The following DST variants were observed in gnomAD, a reference collection of about 807,000 sequenced individuals.
DST encodes the protein dystonin.
In DST, 253 loss-of-function variants were observed where a neutral mutation model predicts 875.2. The observed-to-expected ratio is 0.29, with a 90% CI of 0.26 to 0.32. DST has a LOEUF of 0.32. Among genes scored for constraint, DST ranks in the 10% least tolerant of loss-of-function variants. The probability of loss-of-function intolerance (pLI) is 1.00; values close to 1 mark genes in which losing one functional copy is unlikely to be tolerated. For missense variants in DST, 8,287 were observed against 9,111.6 expected (o/e 0.91, Z 3.68); for synonymous variants, 3,124 against 3,197.1 (o/e 0.98, Z 0.77).
Position 56,553,071 on chromosome 6 carries a change from C to T in DST, c.15721G>A (p.Glu5241Lys). Residue 5241 changes from glutamate to lysine, a missense_variant, in exon 61 of 104, where the codon GAA (glutamate) becomes AAA (lysine). By Grantham distance (56) the Glu-to-Lys change is moderately conservative. This residue lies in a region of DST where 1,513 missense variants were observed against 1,677.8 expected (regional missense o/e 0.90). Coordinates refer to ENST00000680361, the MANE Select transcript of DST (RefSeq NM_001374736.1). ...SLLSVCEIDK[E>K]VVTDENKSLI... is the part of the protein sequence containing the mutation. The stretch of plus-strand genomic sequence containing the variant: ...GACTTATTCTCATCTGTAACAACTT[C>T]TTTATCTATCTCACAGACACTGAGC... The T allele has an allele frequency of 1.9e-6, 3 of 1,613,916 alleles. No homozygotes were observed. The highest frequency in any genetic ancestry group is 2.5e-6 in the Non-Finnish European group (3 of 1,179,880).
chr6:56,543,730 A>G (rs555817591), intron 61 of DST, among the ~76,000 whole-genome samples: 1 of 152,338 alleles, frequency 6.6e-6, no homozygotes, highest in South Asian at 2.1e-4. Context: ...CTAACTCCAA[A>G]TGAAGAAGGC....
rs759930255 is a variant in DST at position 56,485,324 on chromosome 6, G to T, written c.21195C>A (p.Ile7065=). The T allele has an allele frequency of 6.8e-6, 11 of 1,613,524 alleles. No homozygotes were observed. The highest frequency in any genetic ancestry group is 9.3e-6 in the Non-Finnish European group (11 of 1,179,772). ...HGDIDLVMNL[I]DNHKAFQKEL... ...CAGATAACAATACCTTGTGATTATC[G>T]ATCAGATTCATCACCAAATCAATGT... Residue 7065 remains isoleucine (I), a synonymous_variant, in exon 88 of 104, where the codon ATC becomes ATA. Transcript: ENST00000680361.
chr6:56,628,566 T>C (rs1225107988), intron 32 of DST, among the ~76,000 whole-genome samples: 1 of 152,102 alleles, frequency 6.6e-6, no homozygotes. Flanking sequence ...TCTCAGAGAG[T>C]ATTTTCCAGG....
At chr6:56,533,059 T>TA (rs2096924582) in intron 63 of DST, among the ~76,000 whole-genome samples, 1 of 152,170 alleles carries the variant, frequency 6.6e-6, no homozygotes, top group African/African-American at 2.4e-5. Flanking sequence ...AACTGGCTCC[T>TA]AAAATCTGTG....
At chr6:56,878,637 T>C (rs1424609051) in intron 3 of DST, among the ~76,000 whole-genome samples, 1 of 152,018 alleles carries the variant, frequency 6.6e-6, no homozygotes, top group Admixed American at 6.6e-5. Context: ...ATACAACACA[T>C]TCAGAGGACA....
chr6:56,740,741 T>A (rs1451440159), intron 4 of DST, among the ~76,000 whole-genome samples: 1 of 152,148 alleles, frequency 6.6e-6, no homozygotes, highest in Non-Finnish European at 1.5e-5. Flanking sequence ...CAATGGAAGT[T>A]CTGTGCCAAA....
At chr6:56,919,791 A>G (rs1192615089) in intron 2 of DST, among the ~76,000 whole-genome samples, 1 of 152,126 alleles carries the variant, frequency 6.6e-6, no homozygotes, top group Non-Finnish European at 1.5e-5. Context: ...TACTAAAAAT[A>G]CAATAATTAG....
At chr6:56,662,930 C>G (rs2099052574) in intron 10 of DST, among the ~76,000 whole-genome samples, 1 of 152,080 alleles carries the variant, frequency 6.6e-6, no homozygotes, top group East Asian at 1.9e-4. Flanking sequence ...GCCTGGGTGA[C>G]AGAGCAAGAC....
chr6:56,715,851 C>T (rs533023054), intron 5 of DST, among the ~76,000 whole-genome samples: 1 of 152,288 alleles, frequency 6.6e-6, no homozygotes, highest in South Asian at 2.1e-4. Flanking sequence ...CATTCATTTC[C>T]CCTGAAAATC....
intron 4 of DST, among the ~76,000 whole-genome samples, chr6:56,824,262 C>T (rs957071005): frequency 6.4e-4 from 97 of 152,352 alleles, no homozygotes; most frequent in African/African-American, 2.0e-3. Flanking sequence ...CCGCCAGCCT[C>T]GGCCTCTCGA....
intron 50 of DST, among the ~76,000 whole-genome samples, chr6:56,577,320 T>C (rs766255432): frequency 2.6e-5 from 4 of 152,176 alleles, no homozygotes; most frequent in Non-Finnish European, 5.9e-5. Flanking sequence ...TATACCCAAG[T>C]CCTCACAGCA....
chr6:56,695,108 C>G (rs1393677536), intron 9 of DST, among the ~76,000 whole-genome samples: 1 of 131,650 alleles, frequency 7.6e-6, no homozygotes, highest in Non-Finnish European at 1.5e-5. Flanking sequence ...GTCTGGGCGA[C>G]AGAGCGAGAC....
rs748509939 is a variant in DST, at chr6:56,628,141, A to C, written c.4496T>G (p.Ile1499Ser). The C allele has an allele frequency of 5.6e-6, 9 of 1,613,804 alleles. No homozygotes were observed. Among genetic ancestry groups the C allele is most frequent in the Non-Finnish European group, 7.6e-6 (9 of 1,179,694 alleles). ...IDNRLRDLEG[I>S]GKSLKYYRDT... ...TCTGTAGTACTTCAGTGATTTGCCA[A>C]TGCCCTCTAAGTCCCGTAACCTAAG... The change falls in exon 33 of 104, where the codon ATT becomes AGT. Residue 1499 changes from isoleucine to serine, a missense_variant. Physicochemically the swap from Ile to Ser is moderately radical, Grantham distance 142 (BLOSUM62 -2). Coordinates refer to ENST00000680361, the MANE Select transcript of DST (RefSeq NM_001374736.1).
intron 90 of DST, among the ~76,000 whole-genome samples, chr6:56,480,995 GTCT>G (rs1346845416): frequency 2.6e-5 from 4 of 152,100 alleles, no homozygotes; most frequent in Admixed American, 6.5e-5. Flanking sequence ...TGATGTAACT[GTCT>G]TCTTCTTATA....
At chr6:56,886,903 T>C (rs985912762) in intron 3 of DST, among the ~76,000 whole-genome samples, 1 of 151,942 alleles carries the variant, frequency 6.6e-6, no homozygotes, top group Non-Finnish European at 1.5e-5. Flanking sequence ...AACACAATCA[T>C]CATCTCAGAA....
chr6:56,848,338 T>C (rs2099809410), intron 4 of DST, among the ~76,000 whole-genome samples: 1 of 152,172 alleles, frequency 6.6e-6, no homozygotes. Flanking sequence ...TAAAAACAAA[T>C]GAAAATACTA....
At chr6:56,802,355 A>G (rs936239634) in intron 4 of DST, among the ~76,000 whole-genome samples, 2 of 152,174 alleles carry the variant, frequency 1.3e-5, no homozygotes, top group African/African-American at 4.8e-5. Flanking sequence ...AATGTAAGTC[A>G]ACCTTTTAAA....
Position 56,606,780 on chromosome 6 carries a change from G to A in DST, c.7848C>T (p.Pro2616=). ...AATCATGGTCATCATCTTCAAACAAGGGAGTATCATAAAAATCATCATCAC... is the reference window on the plus strand; with the variant it reads ...AATCATGGTCATCATCTTCAAACAAAGGAGTATCATAAAAATCATCATCAC... ...TDSDDDFYDT[P]LFEDDDHDSL... The change falls in exon 40 of 104, where the codon CCC becomes CCT. Residue 2616 remains proline, a synonymous_variant. Transcript: ENST00000680361. The A allele has an allele frequency of 6.2e-7, 1 of 1,613,190 alleles. No individual in the cohort carries two copies.
Position 56,616,680 on chromosome 6 carries a change from C to G in DST, c.4930-2196G>C, listed in dbSNP as rs762975029. ...TGCTGCAGAGCAATTTCTGGAGGAA[C>G]ACGAATGCCTCTCACAGGGTCAATG... On this transcript the variant is annotated intron_variant, in intron 36 of 103. Transcript: ENST00000680361. 1.9e-6 allele frequency: 3 copies of G among 1,614,184 alleles called. No homozygotes were observed. The East Asian group carries it at 6.7e-5, about 36-fold the overall frequency.
Sources: allele counts gnomAD v4.1 joint callset (sites outside exome capture counted in the v4.1 genomes callset), GRCh38; gene constraint gnomAD v4.1.1; regional missense constraint gnomAD v4.1.1; transcripts MANE v1.5; gene names NCBI Gene and HGNC (gene_info 2026-07-23, HGNC 2026-07-21).